STK24: variants seen among roughly 807,000 people sequenced by gnomAD.
The protein encoded by STK24 is serine/threonine kinase 24, also known as serine/threonine-protein kinase 24.
Under a neutral mutation model 55.6 loss-of-function variants are expected in STK24, and 21 were observed. That is an observed-to-expected ratio of 0.38 (90% CI 0.27 to 0.54). STK24 has a LOEUF of 0.54. Ranked by LOEUF, STK24 falls within the 20% of genes least tolerant of loss-of-function variation. STK24 has a pLI of 0.79. For missense variants in STK24, 383 were observed against 538.4 expected (o/e 0.71, Z 2.86); for synonymous variants, 200 against 215.2 (o/e 0.93, Z 0.62).
At chr13:98,516,019 T>C (rs182018416) in intron 2 of STK24, among the ~76,000 whole-genome samples, 1 of 152,294 alleles carries the variant, frequency 6.6e-6, no homozygotes, top group East Asian at 1.9e-4. Flanking sequence ...GTATCCTCCT[T>C]GACATTAGGA....
At chr13:98,493,986 G>A (rs1162601156) in intron 2 of STK24, among the ~76,000 whole-genome samples, 1 of 151,150 alleles carries the variant, frequency 6.6e-6, no homozygotes. Flanking sequence ...GGGAATACAG[G>A]TGCCCGCCAC....
chr13:98,521,458 C>G (rs1896256940), intron 1 of STK24, among the ~76,000 whole-genome samples: 1 of 152,156 alleles, frequency 6.6e-6, no homozygotes, highest in Non-Finnish European at 1.5e-5. Context: ...ATAATTTTTT[C>G]AAGTGAAGAC....
intron 2 of STK24, among the ~76,000 whole-genome samples, chr13:98,497,778 T>C (rs1481434656): frequency 6.6e-6 from 1 of 152,176 alleles, no homozygotes; most frequent in Non-Finnish European, 1.5e-5. Flanking sequence ...GCTGGGTGGA[T>C]ACCAGGATGT....
At chr13:98,476,058 C>T (rs1047944057) in intron 3 of STK24, among the ~76,000 whole-genome samples, 1 of 151,728 alleles carries the variant, frequency 6.6e-6, no homozygotes, top group African/African-American at 2.4e-5. Flanking sequence ...ATTATATTAT[C>T]CCTAAGATAA....
chr13:98,528,313 C>G (rs1209808387), intron 1 of STK24, among the ~76,000 whole-genome samples: 2 of 152,226 alleles, frequency 1.3e-5, no homozygotes, highest in Admixed American at 1.3e-4. Context: ...CAGACTGATT[C>G]TGCGCTCAAT....
chr13:98,522,542 G>T (rs1896300947), intron 1 of STK24, among the ~76,000 whole-genome samples: 1 of 152,210 alleles, frequency 6.6e-6, no homozygotes, highest in Non-Finnish European at 1.5e-5. Flanking sequence ...CCTTCCTTCT[G>T]AACAGGAACC....
chr13:98,555,404 A>ACCC (rs1897262143), intron 1 of STK24, among the ~76,000 whole-genome samples: 1 of 151,598 alleles, frequency 6.6e-6, no homozygotes, highest in Admixed American at 6.6e-5. Flanking sequence ...ATACGGTGAA[A>ACCC]CCCCATCTCT....
Position 98,486,867 on chromosome 13 carries a change from C to A in STK24, c.274-4546G>T, listed in dbSNP as rs530936451. Among the ~76,000 whole-genome samples the A allele has an allele frequency of 2.0e-5, 3 of 152,218 alleles. No homozygotes were observed. In the South Asian group the frequency reaches 6.2e-4, roughly 32 times the overall value. On this transcript the variant is annotated intron_variant, in intron 2 of 10. Transcript: ENST00000539966. ...GAGACATCAGGCAAGTCATTTAAAC[C>A]CTCTAAATTCTTCATCCACAACAAG...
chr13:98,524,924 G>A (rs754179205), intron 1 of STK24, among the ~76,000 whole-genome samples: 4 of 152,234 alleles, frequency 2.6e-5, no homozygotes, highest in African/African-American at 7.2e-5. Flanking sequence ...CAAGCACGGC[G>A]ACTTTCAGAA....
chr13:98,516,619 C>T (rs1230850257), intron 2 of STK24, among the ~76,000 whole-genome samples: 1 of 152,138 alleles, frequency 6.6e-6, no homozygotes, highest in Non-Finnish European at 1.5e-5. Context: ...GGCCTGGGCA[C>T]ATAAAAACTT....
intron 1 of STK24, among the ~76,000 whole-genome samples, chr13:98,539,638 T>C (rs890080476): frequency 6.6e-6 from 1 of 152,202 alleles, no homozygotes; most frequent in Admixed American, 6.5e-5. Context: ...CTCTCTTATG[T>C]TACCTCAGAA....
chr13:98,544,463 G>A (rs1896979624), intron 1 of STK24, among the ~76,000 whole-genome samples: 1 of 152,256 alleles, frequency 6.6e-6, no homozygotes, highest in African/African-American at 2.4e-5. Flanking sequence ...CCTACTGGGA[G>A]TGGCGCAGCC....
intron 2 of STK24, among the ~76,000 whole-genome samples, chr13:98,513,381 G>C (rs76300473): frequency 6.6e-6 from 1 of 152,180 alleles, no homozygotes; most frequent in South Asian, 2.1e-4. Context: ...GTGGACATTC[G>C]GGCTGGGTGA....
chr13:98,562,640 G>A (rs1454426467), intron 1 of STK24, among the ~76,000 whole-genome samples: 3 of 152,174 alleles, frequency 2.0e-5, no homozygotes, highest in Non-Finnish European at 2.9e-5. Context: ...TCCAGGCTGG[G>A]TGCAGTGGCT....
intron 1 of STK24, among the ~76,000 whole-genome samples, chr13:98,527,554 G>A (rs576945625): frequency 6.6e-6 from 1 of 152,240 alleles, no homozygotes; most frequent in East Asian, 1.9e-4. Context: ...CCCACACCTG[G>A]GCAACTCTCC....
At chr13:98,516,672 G>A (rs1180398509) in intron 2 of STK24, among the ~76,000 whole-genome samples, 1 of 151,826 alleles carries the variant, frequency 6.6e-6, no homozygotes, top group African/African-American at 2.4e-5. Flanking sequence ...CTGACTTATG[G>A]CAGCTGAGCA....
chr13:98,535,548 A>G (rs991534843), intron 1 of STK24, among the ~76,000 whole-genome samples: 1 of 152,122 alleles, frequency 6.6e-6, no homozygotes, highest in Non-Finnish European at 1.5e-5. Context: ...GTGTACAAAT[A>G]AACAGTAACA....
chr13:98,554,431 C>G (rs1183580612), intron 1 of STK24, among the ~76,000 whole-genome samples: 1 of 152,198 alleles, frequency 6.6e-6, no homozygotes, highest in East Asian at 1.9e-4. Flanking sequence ...CATGGTCATT[C>G]CAGACCTCCA....
At chr13:98,468,439 C>A (rs1301950225) in intron 5 of STK24, among the ~76,000 whole-genome samples, 1 of 152,186 alleles carries the variant, frequency 6.6e-6, no homozygotes, top group Non-Finnish European at 1.5e-5. Context: ...GAAGCAGGTG[C>A]ATGGGAGCAC....
Sources: allele counts gnomAD v4.1 joint callset (sites outside exome capture counted in the v4.1 genomes callset), GRCh38; gene constraint gnomAD v4.1.1; transcripts MANE v1.5; gene names NCBI Gene and HGNC (gene_info 2026-07-23, HGNC 2026-07-21).